COL15A1: variants seen among roughly 807,000 people sequenced by gnomAD.
The protein encoded by COL15A1 is collagen alpha-1(XV) chain.
Under a neutral mutation model 165.9 loss-of-function variants are expected in COL15A1, and 111 were observed. That is an observed-to-expected ratio of 0.67 (90% CI 0.57 to 0.78). COL15A1 has a LOEUF of 0.78. Ranked by LOEUF, COL15A1 falls within the 30% of genes least tolerant of loss-of-function variation. The probability of loss-of-function intolerance (pLI) is 0.00; values close to 1 mark genes in which losing one functional copy is unlikely to be tolerated. For missense variants in COL15A1, 1,745 were observed against 1,789.7 expected (o/e 0.98, Z 0.45); for synonymous variants, 659 against 674.8 (o/e 0.98, Z 0.36).
intron 7 of COL15A1, among the ~76,000 whole-genome samples, chr9:99,001,581 T>C (rs1228582391): frequency 6.6e-6 from 1 of 152,124 alleles, no homozygotes; most frequent in Non-Finnish European, 1.5e-5. Context: ...TCAACAAAAT[T>C]ACAAACACAG....
intron 39 of COL15A1, among the ~76,000 whole-genome samples, chr9:99,066,377 G>A (rs934329619): frequency 2.6e-5 from 4 of 152,108 alleles, no homozygotes; most frequent in South Asian, 2.1e-4. Flanking sequence ...CCCTTCTTTC[G>A]ATGGCTTTCT....
chr9:98,985,422 C>T (rs141693072), intron 2 of COL15A1, 143 bp from the exon 3 acceptor site: 33 of 809,336 alleles, frequency 4.1e-5, no homozygotes, highest in African/African-American at 8.7e-5. Flanking sequence ...GTTGTCAAAA[C>T]GTTTGAAAAA....
At chr9:99,052,568 G>T (rs1313708090) in intron 31 of COL15A1, 135 bp downstream of exon 31, 17 of 750,854 alleles carry the variant, frequency 2.3e-5, no homozygotes, top group Non-Finnish European at 3.6e-5. Flanking sequence ...GGGGATGGCA[G>T]CTGAGCCAAG....
chr9:98,977,792 A>G (rs1838165013), intron 2 of COL15A1, among the ~76,000 whole-genome samples: 1 of 152,212 alleles, frequency 6.6e-6, no homozygotes, highest in Admixed American at 6.5e-5. Context: ...TATACCTTGC[A>G]TTTCCCATCT....
intron 9 of COL15A1, among the ~76,000 whole-genome samples, chr9:99,014,022 G>A (rs1838889376): frequency 6.6e-6 from 1 of 152,086 alleles, no homozygotes; most frequent in South Asian, 2.1e-4. Flanking sequence ...AGCCAATTCA[G>A]AGAGGTCTTG....
At chr9:99,068,203 T>C (rs1225731484) in intron 40 of COL15A1, among the ~76,000 whole-genome samples, 1 of 152,120 alleles carries the variant, frequency 6.6e-6, no homozygotes, top group Non-Finnish European at 1.5e-5. Flanking sequence ...TGGTGGTGCA[T>C]GCCTGTATTC....
chr9:99,018,899 C>T (rs777215002), intron 11 of COL15A1, among the ~76,000 whole-genome samples: 20 of 152,108 alleles, frequency 1.3e-4, no homozygotes, highest in Non-Finnish European at 2.6e-4. Context: ...GTTTTTAATA[C>T]ATTGTGGTTT....
rs546491680 is a variant in COL15A1, at chr9:99,033,900, C to T, written c.2044-649C>T. 7.2e-5 allele frequency among the ~76,000 whole-genome samples: 11 copies of T among 152,238 alleles called. No individual in the cohort carries two copies. In the South Asian group the frequency reaches 1.0e-3, roughly 14 times the overall value. On this transcript the variant is annotated intron_variant, in intron 16 of 41. Coordinates refer to ENST00000375001, the MANE Select transcript of COL15A1 (RefSeq NM_001855.5). ...GTCCTCATTGCTGACCACTCCTGAC[C>T]GCCCACCTGCTTTGGTCCTCTCCTC... is the stretch of plus-strand genomic sequence containing the variant.
chr9:98,979,391 C>T (rs1391736584), intron 2 of COL15A1, among the ~76,000 whole-genome samples: 1 of 152,170 alleles, frequency 6.6e-6, no homozygotes, highest in African/African-American at 2.4e-5. Context: ...CTGGTCTTTG[C>T]CAATCTGATA....
intron 6 of COL15A1, among the ~76,000 whole-genome samples, chr9:99,000,052 G>C (rs1300181567): frequency 6.6e-6 from 1 of 152,056 alleles, no homozygotes; most frequent in Non-Finnish European, 1.5e-5. Flanking sequence ...TGTATTTTTA[G>C]TAGAGATGGG....
At chr9:99,004,316 G>A (rs1307209201) in intron 8 of COL15A1, among the ~76,000 whole-genome samples, 1 of 152,168 alleles carries the variant, frequency 6.6e-6, no homozygotes, top group African/African-American at 2.4e-5. Flanking sequence ...GGTGGTGCCA[G>A]CCTGCCCTGG....
At chr9:99,068,184 G>A (rs913264897) in intron 40 of COL15A1, among the ~76,000 whole-genome samples, 1 of 152,124 alleles carries the variant, frequency 6.6e-6, no homozygotes, top group Non-Finnish European at 1.5e-5. Flanking sequence ...AGTAAAAATC[G>A]GCCAAGTGTG....
chr9:99,042,220 C>T (rs1372749416), intron 24 of COL15A1, 113 bp downstream of exon 24: 7 of 741,850 alleles, frequency 9.4e-6, no homozygotes, highest in Non-Finnish European at 1.4e-5. Context: ...AATTCACATG[C>T]CATAAAATTC....
chr9:99,044,545 T>A, intron 24 of COL15A1, 23 bp from the exon 25 acceptor site: 1 of 1,612,546 alleles, frequency 6.2e-7, no homozygotes, highest in Non-Finnish European at 8.5e-7. Context: ...CCTGACTTCA[T>A]TGAGATGTTC....
intron 21 of COL15A1, among the ~76,000 whole-genome samples, chr9:99,037,798 G>A (rs1223854694): frequency 6.6e-6 from 1 of 152,190 alleles, no homozygotes; most frequent in Non-Finnish European, 1.5e-5. Flanking sequence ...ATTTTACCAG[G>A]TAGGCACGGA....
chr9:99,050,260 T>C (rs1328444931), intron 30 of COL15A1, among the ~76,000 whole-genome samples: 2 of 152,238 alleles, frequency 1.3e-5, no homozygotes, highest in African/African-American at 2.4e-5. Flanking sequence ...GATCTTTGCA[T>C]TGAGAACTTT....
At chr9:99,041,367 G>T (rs753771320) in intron 23 of COL15A1, 1 of 152,236 alleles carries the variant, frequency 6.6e-6, no homozygotes, top group African/African-American at 2.4e-5. Context: ...GCAATAAAGT[G>T]TTGAAATGCC....
chr9:98,988,477 G>A (rs1588503693), intron 4 of COL15A1, among the ~76,000 whole-genome samples: 1 of 152,172 alleles, frequency 6.6e-6, no homozygotes. Flanking sequence ...GTCATGCTTC[G>A]GCTGTAATTG....
chr9:99,066,174 G>A (rs1825887807), intron 39 of COL15A1, among the ~76,000 whole-genome samples: 1 of 132,884 alleles, frequency 7.5e-6, no homozygotes. Flanking sequence ...ATTCCAGAGG[G>A]TGTGGCAGAA....
Sources: gnomAD v4.1 joint callset for allele counts (sites outside exome capture counted in the v4.1 genomes callset) on GRCh38, gnomAD v4.1.1 for gene constraint, MANE v1.5 for transcripts, NCBI Gene and HGNC (gene_info 2026-07-23, HGNC 2026-07-21) for gene names.